ZNF654: variants seen among roughly 807,000 people sequenced by gnomAD.
ZNF654 encodes melanoma-associated antigen.
Under a neutral mutation model 95.3 loss-of-function variants are expected in ZNF654, and 19 were observed. The ratio of observed to expected loss-of-function variants is 0.20; its 90% CI spans 0.14 to 0.29. The LOEUF is 0.29. ZNF654 is among the 10% of genes least tolerant of loss of function. ZNF654 has a pLI of 1.00. For synonymous variants in ZNF654, 413 were observed against 457.9 expected (o/e 0.90, Z 1.25); for missense variants, 1,046 against 1,341.0 (o/e 0.78, Z 3.44).
chr3:88,132,112 T>G (rs1177112353), intron 6 of ZNF654, among the ~76,000 whole-genome samples: 1 of 152,138 alleles, frequency 6.6e-6, no homozygotes, highest in African/African-American at 2.4e-5. Flanking sequence ...AATAATACTG[T>G]GTTCAAGCCA....
At chr3:88,077,960 A>C (rs1418114851) in intron 1 of ZNF654, among the ~76,000 whole-genome samples, 7 of 152,188 alleles carry the variant, frequency 4.6e-5, no homozygotes, top group Non-Finnish European at 1.0e-4. Context: ...GACTATTATG[A>C]ATGTAAATAA....
chr3:88,115,955 A>C (rs1705362871), intron 3 of ZNF654, among the ~76,000 whole-genome samples: 1 of 152,218 alleles, frequency 6.6e-6, no homozygotes, highest in African/African-American at 2.4e-5. Context: ...CAGATGGGCC[A>C]AACAATACTT....
intron 2 of ZNF654, among the ~76,000 whole-genome samples, chr3:88,096,685 T>A (rs1320519803): frequency 6.6e-6 from 1 of 152,154 alleles, no homozygotes; most frequent in Admixed American, 6.5e-5. Context: ...TTTAGCGGCT[T>A]GCTTTTAAGA....
rs78974035 is a variant in ZNF654, at chr3:88,135,280, T to A, written c.1035+78T>A. The stretch of plus-strand genomic sequence containing the variant: ...AAACTTGAATCTCTTTTGATAAAAT[T>A]TATTTGATTTTAAAACTGAAGGAAA... On this transcript the variant is annotated intron_variant, in intron 7 of 8. Transcript: ENST00000636215. 4 of 1,185,496 alleles carry A rather than the reference T, an allele frequency of 3.4e-6. No individual in the cohort carries two copies. The African/African-American group carries it at 6.4e-5, about 19-fold the overall frequency. 73.4% of individuals were successfully genotyped at this position (1,185,496 alleles called of 1,614,324 possible). A position where few individuals can be genotyped will look rare whatever the true frequency, so the allele number is the denominator to read the frequency against.
intron 2 of ZNF654, among the ~76,000 whole-genome samples, chr3:88,088,756 GTA>G (rs1559701635): frequency 7.0e-6 from 1 of 143,668 alleles, no homozygotes; most frequent in Non-Finnish European, 1.6e-5. Flanking sequence ...ATGTATGTAT[GTA>G]TGTATGGATG....
chr3:88,138,218 AAGT>A (rs1269959397), intron 7 of ZNF654, among the ~76,000 whole-genome samples: 1 of 152,182 alleles, frequency 6.6e-6, no homozygotes, highest in African/African-American at 2.4e-5. Flanking sequence ...TAAGCAAAAT[AAGT>A]AATATTTTTT....
chr3:88,076,924 A>G (rs1707835237), intron 1 of ZNF654, among the ~76,000 whole-genome samples: 1 of 152,182 alleles, frequency 6.6e-6, no homozygotes, highest in Admixed American at 6.5e-5. Context: ...GCAAGTAGCT[A>G]ACTCAAGAGG....
chr3:88,089,280 A>G (rs1475673466), intron 2 of ZNF654, among the ~76,000 whole-genome samples: 2 of 151,170 alleles, frequency 1.3e-5, no homozygotes, highest in Non-Finnish European at 3.0e-5. Context: ...TCACAAGGTC[A>G]AGAGATCGAG....
chr3:88,095,982 T>A (rs552893722), intron 2 of ZNF654: 8 of 263,412 alleles, frequency 3.0e-5, no homozygotes, highest in Middle Eastern at 4.5e-4. Context: ...GTTGCACTGT[T>A]CTACCTGAAG....
At chr3:88,076,614 A>G (rs1160832737) in intron 1 of ZNF654, among the ~76,000 whole-genome samples, 1 of 151,944 alleles carries the variant, frequency 6.6e-6, no homozygotes, top group Admixed American at 6.6e-5. Context: ...AGTTCTTGAA[A>G]CCGAGCATAC....
intron 1 of ZNF654, among the ~76,000 whole-genome samples, chr3:88,077,495 G>A (rs531293571): frequency 4.8e-5 from 4 of 82,758 alleles, no homozygotes; most frequent in Non-Finnish European, 8.6e-5. Flanking sequence ...ACCACGCCCG[G>A]CTAATTTTTT....
intron 2 of ZNF654, among the ~76,000 whole-genome samples, chr3:88,099,473 C>G (rs570786113): frequency 9.1e-4 from 138 of 152,288 alleles, no homozygotes; most frequent in Non-Finnish European, 1.9e-3. Context: ...TTGGAAAAAA[C>G]TACTTTAAAG....
intron 1 of ZNF654, among the ~76,000 whole-genome samples, chr3:88,061,956 A>T (rs1157451646): frequency 6.6e-6 from 1 of 152,184 alleles, no homozygotes; most frequent in African/African-American, 2.4e-5. Flanking sequence ...AGAGGGAAAT[A>T]TGAATCAAAA....
chr3:88,070,538 C>T (rs1350794747), intron 1 of ZNF654, among the ~76,000 whole-genome samples: 1 of 147,492 alleles, frequency 6.8e-6, no homozygotes, highest in East Asian at 2.0e-4. Context: ...TGCTATACGC[C>T]ACTGTGGCAA....
chr3:88,068,902 A>G (rs1385743510), intron 1 of ZNF654, among the ~76,000 whole-genome samples: 1 of 152,152 alleles, frequency 6.6e-6, no homozygotes, highest in East Asian at 1.9e-4. Flanking sequence ...TCTGCAGTGC[A>G]ATACAATACA....
intron 5 of ZNF654, 45 bp downstream of exon 5, chr3:88,129,056 CA>C (rs753725595): frequency 1.2e-4 from 156 of 1,284,878 alleles, no homozygotes; most frequent in East Asian, 3.3e-4. Flanking sequence ...TTAACCCTAC[CA>C]AAAAAAAACC....
intron 2 of ZNF654, among the ~76,000 whole-genome samples, chr3:88,091,962 C>T (rs1708654729): frequency 6.6e-6 from 1 of 152,150 alleles, no homozygotes; most frequent in Non-Finnish European, 1.5e-5. Flanking sequence ...TTTTCTACTA[C>T]TGCCCATGTA....
In ZNF654 at chr3:88,088,298, A is replaced by T. The variant is rs542399871; in HGVS notation, c.332+1896A>T. 8.5e-5 allele frequency among the ~76,000 whole-genome samples: 13 copies of T among 152,340 alleles called. No homozygotes were observed. In the South Asian group the frequency reaches 2.5e-3, roughly 29 times the overall value. On this transcript the variant is annotated intron_variant, in intron 2 of 8. Transcript: ENST00000636215. ...ACATATTAATGAATATCTAAGAATC[A>T]TCAGATATTTAAAAATGCCTTCAAT...
chr3:88,068,877 C>A (rs1376708341), intron 1 of ZNF654, among the ~76,000 whole-genome samples: 1 of 152,020 alleles, frequency 6.6e-6, no homozygotes, highest in East Asian at 1.9e-4. Flanking sequence ...CAAAAGCCAG[C>A]CCGTGCACTT....
Sources: gnomAD v4.1 joint callset for allele counts (sites outside exome capture counted in the v4.1 genomes callset) on GRCh38, gnomAD v4.1.1 for gene constraint, MANE v1.5 for transcripts, NCBI Gene and HGNC (gene_info 2026-07-23, HGNC 2026-07-21) for gene names.